The following SLC25A24 variants were observed in gnomAD, a reference collection of about 807,000 sequenced individuals.
The protein encoded by SLC25A24 is solute carrier family 25 member 24.
In SLC25A24, 49 loss-of-function variants were observed where a neutral mutation model predicts 60.7. The ratio of observed to expected loss-of-function variants is 0.81; its 90% CI spans 0.64 to 1.02. SLC25A24 has a LOEUF of 1.02. Among genes scored for constraint, SLC25A24 ranks in the 50% least tolerant of loss-of-function variants. The pLI is 0.00. For missense variants in SLC25A24, 564 were observed against 586.3 expected, an observed-to-expected ratio of 0.96 and a Z score of 0.39; for synonymous variants, 202 against 200.6, an observed-to-expected ratio of 1.01 and a Z score of -0.06.
At chr1:108,159,777 TG>T (rs1404355943) in intron 4 of SLC25A24, among the ~76,000 whole-genome samples, 4 of 151,476 alleles carry the variant, frequency 2.6e-5, no homozygotes, top group African/African-American at 9.7e-5. Flanking sequence ...AGCACAGGGT[TG>T]GGGGTAAGGT....
At chr1:108,148,180 T>C in intron 7 of SLC25A24, 99 bp downstream of exon 7, 2 of 804,794 alleles carry the variant, frequency 2.5e-6, no homozygotes, top group Non-Finnish European at 2.2e-6. Flanking sequence ...CGATGATAAA[T>C]GCTTGTTTTA....
chr1:108,152,857 G>C (rs1356751688), intron 6 of SLC25A24, among the ~76,000 whole-genome samples: 1 of 152,166 alleles, frequency 6.6e-6, no homozygotes, highest in Non-Finnish European at 1.5e-5. Context: ...TGTAACAAAA[G>C]GAAACTAGAA....
Position 108,154,964 on chromosome 1 carries a change from C to A in SLC25A24, c.822+19G>T, listed in dbSNP as rs1468107903. The A allele has an allele frequency of 1.3e-6, 2 of 1,572,420 alleles. No homozygotes were observed. Among genetic ancestry groups the A allele is most frequent in the Non-Finnish European group, 1.7e-6 (2 of 1,154,224 alleles). On this transcript the variant is annotated intron_variant, in intron 6 of 9. Coordinates refer to ENST00000565488, the MANE Select transcript of SLC25A24 (RefSeq NM_013386.5). ...CTAACTCCTCTTTGTTAATAAATTC[C>A]ACGGGTGATAACAATTACCTGTTCA... is the stretch of plus-strand genomic sequence containing the variant.
At chr1:108,181,286 CA>C (rs1647922353) in intron 3 of SLC25A24, among the ~76,000 whole-genome samples, 1 of 98,166 alleles carries the variant, frequency 1.0e-5, no homozygotes, top group Admixed American at 9.6e-5. Context: ...AATATTAATA[CA>C]ATATAATTGT....
In SLC25A24 at chr1:108,136,751, C is replaced by T. The variant is rs774716010; in HGVS notation, c.1336G>A (p.Gly446Ser). The T allele has an allele frequency of 1.2e-6, 2 of 1,614,054 alleles. No individual in the cohort carries two copies. Among genetic ancestry groups the T allele is most frequent in the Non-Finnish European group, 1.7e-6 (2 of 1,179,934 alleles). Residue 446 changes from glycine (G) to serine (S), a missense_variant, in exon 10 of 10, where the codon GGC becomes AGC. Gly to Ser is a moderately conservative substitution (Grantham distance 56). Transcript: ENST00000565488. The stretch of plus-strand genomic sequence containing the variant: ...ACCTTCATGAAGTTTGGGGTGATGC[C>T]TCTGTAAAGTCCTGGTATTCCTTCT... The part of the protein sequence containing the change: ...SKEGIPGLYR[G>S]ITPNFMKVLP...
intron 8 of SLC25A24, 45 bp from the exon 9 acceptor site, chr1:108,139,253 T>G (rs1679378632): frequency 6.5e-7 from 1 of 1,539,680 alleles, no homozygotes; most frequent in Non-Finnish European, 8.8e-7. Flanking sequence ...ACTCTACAAC[T>G]TCAACGTAAA....
At chr1:108,176,575 TAC>T (rs1218619288) in intron 3 of SLC25A24, among the ~76,000 whole-genome samples, 2 of 152,054 alleles carry the variant, frequency 1.3e-5, no homozygotes, top group Non-Finnish European at 2.9e-5. Context: ...CAAGACATAT[TAC>T]AATCAAACTA....
At chr1:108,160,816 G>A (rs939963931) in intron 4 of SLC25A24, among the ~76,000 whole-genome samples, 20 of 152,194 alleles carry the variant, frequency 1.3e-4, no homozygotes, top group African/African-American at 4.6e-4. Context: ...CAGGCGTGGC[G>A]GTGCGCGCCT....
intron 3 of SLC25A24, among the ~76,000 whole-genome samples, chr1:108,176,850 C>G (rs1229337442): frequency 2.0e-5 from 3 of 152,080 alleles, no homozygotes; most frequent in African/African-American, 7.2e-5. Context: ...ATGACCGCAC[C>G]TATTTTATAA....
chr1:108,145,367 G>A (rs997138155), intron 7 of SLC25A24, among the ~76,000 whole-genome samples: 1 of 152,016 alleles, frequency 6.6e-6, no homozygotes, highest in Non-Finnish European at 1.5e-5. Flanking sequence ...TAGGTTGCCG[G>A]TTCACTCTGA....
Position 108,185,899 on chromosome 1 carries a change from A to C in SLC25A24, c.239T>G (p.Phe80Cys), listed in dbSNP as rs201573101. 27 of 1,597,080 alleles carry C rather than the reference A, an allele frequency of 1.7e-5. No homozygotes were observed. The highest frequency in any genetic ancestry group is 1.7e-4 in the Middle Eastern group (1 of 6,012). Residue 80 changes from phenylalanine to cysteine, a missense_variant, in exon 2 of 10, where the codon TTT becomes TGT. Coordinates refer to ENST00000565488, the MANE Select transcript of SLC25A24 (RefSeq NM_013386.5). ...NKDGKLDFEE[F>C]MKYLKDHEKK... Reference sequence around the variant, plus strand: ...CTCATGGTCTTTAAGGTACTTCATAAATTCTTCAAAATCCAGCTTCCCATC... The same window carrying C: ...CTCATGGTCTTTAAGGTACTTCATACATTCTTCAAAATCCAGCTTCCCATC...
intron 3 of SLC25A24, among the ~76,000 whole-genome samples, chr1:108,180,641 T>C (rs1000300794): frequency 1.4e-5 from 2 of 147,986 alleles, no homozygotes; most frequent in African/African-American, 5.1e-5. Flanking sequence ...TCTCTCTCTC[T>C]CTCTCTCTCT....
intron 7 of SLC25A24, among the ~76,000 whole-genome samples, chr1:108,144,251 A>C (rs1679524224): frequency 1.3e-5 from 2 of 152,206 alleles, no homozygotes; most frequent in African/African-American, 4.8e-5. Context: ...TGCTTAAGTC[A>C]TCAGTTACTA....
intron 1 of SLC25A24, among the ~76,000 whole-genome samples, chr1:108,187,108 C>CA (rs1648154037): frequency 6.6e-6 from 1 of 151,334 alleles, no homozygotes. Flanking sequence ...AAAATAATGC[C>CA]ACATTGTGAC....
chr1:108,183,581 G>C (rs1426701420), intron 2 of SLC25A24, among the ~76,000 whole-genome samples: 1 of 152,152 alleles, frequency 6.6e-6, no homozygotes, highest in African/African-American at 2.4e-5. Flanking sequence ...CATTTAATGT[G>C]TGCTGTTGAT....
At chr1:108,165,915 T>C (rs1277109227) in intron 3 of SLC25A24, among the ~76,000 whole-genome samples, 1 of 152,228 alleles carries the variant, frequency 6.6e-6, no homozygotes, top group Non-Finnish European at 1.5e-5. Flanking sequence ...TTGGCATGAT[T>C]TTGCAGCGGC....
At chr1:108,187,780 G>A (rs907487092) in intron 1 of SLC25A24, among the ~76,000 whole-genome samples, 1 of 151,386 alleles carries the variant, frequency 6.6e-6, no homozygotes, top group African/African-American at 2.4e-5. Context: ...TATGAGGCGG[G>A]TATACACTTG....
At position 108,135,065 on chromosome 1, in the gene SLC25A24, C is replaced by G. The variant is rs1012261195; in HGVS notation, c.*1588G>C. ...AAGTTGTTAGCAAAATTATTCATTT[C>G]CATAATTTTTACGAGTAAAAATAGA... On this transcript the variant is annotated 3_prime_UTR_variant, in exon 10 of 10. Transcript: ENST00000565488. The G allele has an allele frequency of 6.6e-6, 1 of 152,212 alleles. No homozygotes were observed. Among genetic ancestry groups the G allele is most frequent in the Non-Finnish European group, 1.5e-5 (1 of 67,972 alleles). 9.4% of individuals were successfully genotyped at this position (152,212 alleles called of 1,614,324 possible). A position where few individuals can be genotyped will look rare whatever the true frequency, so the allele number is the denominator to read the frequency against.
In SLC25A24 at chr1:108,155,062, C is replaced by T. The variant is rs143348106; in HGVS notation, c.743G>A (p.Arg248His). The change falls in exon 6 of 10, where the codon CGC (arginine) becomes CAC (histidine). Residue 248 changes from arginine to histidine, a missense_variant. Arg to His is a conservative substitution (Grantham distance 29, BLOSUM62 0). Coordinates refer to ENST00000565488, the MANE Select transcript of SLC25A24 (RefSeq NM_013386.5). ...FRQMVKEGGI[R>H]SLWRGNGTNV... ...TGTACCATTTCCCCTCCAAAGCGAG[C>T]GGATACCTCCTTCTTTTACCATCTG... 88 of 1,612,114 alleles carry T rather than the reference C, an allele frequency of 5.5e-5. No individual in the cohort carries two copies. In the Admixed American group the frequency reaches 5.7e-4, roughly 10 times the overall value.
Sources: allele counts gnomAD v4.1 joint callset (sites outside exome capture counted in the v4.1 genomes callset), GRCh38; gene constraint gnomAD v4.1.1; transcripts MANE v1.5; gene names NCBI Gene and HGNC (gene_info 2026-07-23, HGNC 2026-07-21).